RASGRP3: variants seen among roughly 807,000 people sequenced by gnomAD.
RASGRP3 encodes RAS guanyl releasing protein 3, also known as ras guanyl-releasing protein 3.
A neutral mutation model predicts 82.7 loss-of-function variants in RASGRP3; 54 were observed. The ratio of observed to expected loss-of-function variants is 0.65; its 90% confidence interval spans 0.52 to 0.82. The LOEUF is 0.82. RASGRP3 is among the 40% of genes least tolerant of loss of function. The pLI, the probability that RASGRP3 is intolerant of heterozygous loss-of-function variation, is 0.00. For synonymous variants in RASGRP3, 309 were observed against 300.5 expected, an observed-to-expected ratio of 1.03 and a Z score of -0.29; for missense variants, 861 against 828.9, an observed-to-expected ratio of 1.04 and a Z score of -0.48.
chr2:33,507,811 C>T lies in RASGRP3; in HGVS notation c.-260-3899C>T, dbSNP rs529004731. Among the ~76,000 whole-genome samples, 6 of 152,364 alleles carry T rather than the reference C, an allele frequency of 3.9e-5. No homozygotes were observed. In the South Asian group the frequency reaches 6.2e-4, roughly 16 times the overall value. ...AAAGTGCTGGGATTACAGGCGTGAG[C>T]CACCGTGCCTGGCCCATATCTGGAT... On this transcript the variant is annotated intron_variant, in intron 1 of 17. Coordinates refer to ENST00000403687, the MANE Select transcript of RASGRP3 (RefSeq NM_001139488.2).
intron 1 of RASGRP3, among the ~76,000 whole-genome samples, chr2:33,508,785 A>ATTG (rs750772728): frequency 2.0e-5 from 3 of 152,034 alleles, no homozygotes; most frequent in Admixed American, 2.0e-4. Flanking sequence ...TTTGTTTTTT[A>ATTG]TTGTTGTTGT....
At chr2:33,525,310 A>T (rs891917113) in intron 9 of RASGRP3, among the ~76,000 whole-genome samples, 8 of 150,976 alleles carry the variant, frequency 5.3e-5, no homozygotes, top group African/African-American at 2.0e-4. Context: ...CCTTGTATAG[A>T]AATCCTCAGA....
rs145243172 is a variant in RASGRP3, at chr2:33,544,753, G to A, written c.1394+1126G>A. ...CTCACACCTGTAATGCCAGCACTGT[G>A]GGAGGCTGAGATAGTAGGATTATTT... On this transcript the variant is annotated intron_variant, in intron 13 of 17. Transcript: ENST00000403687. 1.4e-3 allele frequency among the ~76,000 whole-genome samples: 206 copies of A among 152,234 alleles called. 1 individual carries two copies. Among genetic ancestry groups the A allele is most frequent in the African/African-American group, 4.6e-3 (191 of 41,550 alleles).
intron 14 of RASGRP3, among the ~76,000 whole-genome samples, chr2:33,551,588 G>T (rs921937691): frequency 6.6e-6 from 1 of 152,082 alleles, no homozygotes; most frequent in Non-Finnish European, 1.5e-5. Context: ...TGTAGTCCCA[G>T]GTACTCAGGA....
chr2:33,446,915 G>T (rs546842741), intron 1 of RASGRP3, among the ~76,000 whole-genome samples: 147 of 151,976 alleles, frequency 9.7e-4, no homozygotes, highest in Non-Finnish European at 1.7e-3. Context: ...AGGCCGAGGC[G>T]GGTGCATTAC....
chr2:33,437,791 A>G (rs1665005064), intron 1 of RASGRP3, among the ~76,000 whole-genome samples: 1 of 152,204 alleles, frequency 6.6e-6, no homozygotes, highest in Non-Finnish European at 1.5e-5. Context: ...ATGTTTGAAT[A>G]GAAAGATCAT....
At chr2:33,557,270 A>G (rs546414376) in intron 15 of RASGRP3, among the ~76,000 whole-genome samples, 2 of 152,376 alleles carry the variant, frequency 1.3e-5, no homozygotes, top group South Asian at 2.1e-4. Flanking sequence ...CTAATGGGCA[A>G]TTCACAGACT....
intron 1 of RASGRP3, among the ~76,000 whole-genome samples, chr2:33,499,195 A>T (rs901536163): frequency 6.6e-6 from 1 of 152,120 alleles, no homozygotes; most frequent in Admixed American, 6.6e-5. Context: ...CTGGACAGTG[A>T]GTCCCTCCCT....
intron 2 of RASGRP3, among the ~76,000 whole-genome samples, chr2:33,452,264 G>C (rs914332243): frequency 6.6e-6 from 1 of 151,738 alleles, no homozygotes; most frequent in Non-Finnish European, 1.5e-5. Flanking sequence ...TTGTTGTTTG[G>C]TGGTGGTGTT....
intron 11 of RASGRP3, among the ~76,000 whole-genome samples, chr2:33,535,821 A>C (rs1366066279): frequency 6.6e-6 from 1 of 152,202 alleles, no homozygotes; most frequent in Non-Finnish European, 1.5e-5. Flanking sequence ...ACCAAAAAGG[A>C]ATTTGTAAGC....
Position 33,523,966 on chromosome 2 carries a change from T to C in RASGRP3, c.604T>C (p.Ser202Pro), listed in dbSNP as rs781561676. 6.2e-7 allele frequency: 1 copy of C among 1,613,846 alleles called. No individual in the cohort carries two copies. Among genetic ancestry groups the C allele is most frequent in the African/African-American group, 1.3e-5 (1 of 74,940 alleles). ...ATCGATTGCTTTATTTAATGGAATC[T>C]CTAAGTGGGTCCAGTTGATGGTTCT... Reference protein sequence around the residue: ...ERSIALFNGISKWVQLMVLSK... With the variant: ...ERSIALFNGIPKWVQLMVLSK... Residue 202 changes from serine to proline, a missense_variant, in exon 8 of 18, where the codon TCT becomes CCT. Ser to Pro is a moderately conservative substitution (Grantham distance 74). Transcript: ENST00000403687.
chr2:33,502,310 G>T lies in RASGRP3; in HGVS notation c.-260-9400G>T, dbSNP rs183352388. On this transcript the variant is annotated intron_variant, in intron 1 of 17. Coordinates refer to ENST00000403687, the MANE Select transcript of RASGRP3 (RefSeq NM_001139488.2). ...TTTCTGTGTGTGGAGGTGGGTGGGG[G>T]TTGGGGGGTGTAGATACCTTCACAT... Among the ~76,000 whole-genome samples, 27 of 152,046 alleles carry T rather than the reference G, an allele frequency of 1.8e-4. No homozygotes were observed. The East Asian group carries it at 5.0e-3, about 28-fold the overall frequency.
intron 1 of RASGRP3, among the ~76,000 whole-genome samples, chr2:33,495,747 T>C (rs900266995): frequency 3.3e-5 from 5 of 152,100 alleles, no homozygotes; most frequent in African/African-American, 1.2e-4. Flanking sequence ...AAAGAACAAT[T>C]CTTTCTCCGT....
intron 10 of RASGRP3, among the ~76,000 whole-genome samples, chr2:33,528,238 A>G (rs753282680): frequency 6.6e-6 from 1 of 152,206 alleles, no homozygotes; most frequent in African/African-American, 2.4e-5. Context: ...CACCTCTCAC[A>G]GTTCCTGGCA....
chr2:33,475,221 T>G (rs1354681548), upstream of RASGRP3, among the ~76,000 whole-genome samples: 1 of 152,238 alleles, frequency 6.6e-6, no homozygotes, highest in Non-Finnish European at 1.5e-5. Context: ...GGGATTTGTT[T>G]TGGTGCTTAC....
At chr2:33,447,461 A>T (rs1298028686) in intron 1 of RASGRP3, among the ~76,000 whole-genome samples, 2 of 150,264 alleles carry the variant, frequency 1.3e-5, no homozygotes, top group Non-Finnish European at 3.0e-5. Flanking sequence ...TTTGAGACAG[A>T]GTTTCACTTG....
intron 4 of RASGRP3, among the ~76,000 whole-genome samples, chr2:33,517,007 A>G (rs986724935): frequency 3.9e-5 from 6 of 152,356 alleles, no homozygotes; most frequent in African/African-American, 1.4e-4. Context: ...TGGTGGGCAT[A>G]GAGGACGCAG....
intron 6 of RASGRP3, among the ~76,000 whole-genome samples, chr2:33,521,383 A>G (rs1386892563): frequency 6.6e-6 from 1 of 152,234 alleles, no homozygotes; most frequent in Non-Finnish European, 1.5e-5. Flanking sequence ...TTACGTATTC[A>G]TAGTCTACTC....
chr2:33,458,846 C>T (rs1488221484), intron 2 of RASGRP3, among the ~76,000 whole-genome samples: 2 of 152,128 alleles, frequency 1.3e-5, no homozygotes, highest in African/African-American at 2.4e-5. Context: ...TTTACCCACT[C>T]GGCAGTTGAT....
Sources: gnomAD v4.1 joint callset for allele counts (sites outside exome capture counted in the v4.1 genomes callset) on GRCh38, gnomAD v4.1.1 for gene constraint, MANE v1.5 for transcripts, NCBI Gene and HGNC (gene_info 2026-07-23, HGNC 2026-07-21) for gene names.